LDLRAD4: variants seen among roughly 807,000 people sequenced by gnomAD.
The protein encoded by LDLRAD4 is low density lipoprotein receptor class A domain containing 4, also known as low-density lipoprotein receptor class A domain-containing protein 4.
In LDLRAD4, 5 loss-of-function variants were observed where a neutral mutation model predicts 17.0. That is an observed-to-expected ratio of 0.29 (90% CI 0.15 to 0.62). The LOEUF (loss-of-function observed/expected upper bound fraction) is 0.62. Among genes scored for constraint, LDLRAD4 ranks in the 20% least tolerant of loss-of-function variants. The probability of loss-of-function intolerance (pLI) is 0.84; values close to 1 mark genes in which losing one functional copy is unlikely to be tolerated. For missense variants in LDLRAD4, 340 were observed against 424.7 expected (o/e 0.80, Z 1.75); for synonymous variants, 168 against 171.8 (o/e 0.98, Z 0.17).
intron 1 of LDLRAD4, among the ~76,000 whole-genome samples, chr18:13,381,966 C>G (rs1023586235): frequency 4.6e-5 from 7 of 152,204 alleles, no homozygotes; most frequent in Admixed American, 3.3e-4. Context: ...CTCCCTGGAA[C>G]TTCTCTGGTG....
At chr18:13,556,167 C>T (rs1429661482) in intron 3 of LDLRAD4, among the ~76,000 whole-genome samples, 2 of 152,140 alleles carry the variant, frequency 1.3e-5, no homozygotes, top group African/African-American at 4.8e-5. Flanking sequence ...TTCAGTTAAG[C>T]TATGTATTAA....
chr18:13,568,693 C>T (rs1490428164), intron 3 of LDLRAD4, among the ~76,000 whole-genome samples: 2 of 152,164 alleles, frequency 1.3e-5, no homozygotes, highest in African/African-American at 2.4e-5. Context: ...GTGCACTTCA[C>T]GCCCCACATC....
intron 3 of LDLRAD4, among the ~76,000 whole-genome samples, chr18:13,476,064 G>A (rs76819443): frequency 0.012 from 1,778 of 152,178 alleles, 65 homozygotes; most frequent in East Asian, 0.11. Flanking sequence ...GGATTAATCC[G>A]GGGGGACCAG....
At chr18:13,623,146 C>CA (rs2040809797) in intron 4 of LDLRAD4, among the ~76,000 whole-genome samples, 1 of 152,214 alleles carries the variant, frequency 6.6e-6, no homozygotes, top group African/African-American at 2.4e-5. Flanking sequence ...CAAAAAGTGT[C>CA]AAAAAAGTGT....
exon 6 of LDLRAD4, chr18:13,647,945 G>T (rs2043078453): frequency 6.6e-6 from 1 of 152,268 alleles, no homozygotes; most frequent in Non-Finnish European, 1.5e-5. Context: ...AGGTTCACTG[G>T]CTCTCCAGAT....
chr18:13,592,882 A>G (rs2095046110), intron 3 of LDLRAD4, among the ~76,000 whole-genome samples: 1 of 152,270 alleles, frequency 6.6e-6, no homozygotes, highest in Non-Finnish European at 1.5e-5. Flanking sequence ...TTCAGTTTCA[A>G]GCAATTCTTA....
chr18:13,392,590 G>A (rs1288685276), intron 2 of LDLRAD4, among the ~76,000 whole-genome samples: 1 of 152,152 alleles, frequency 6.6e-6, no homozygotes, highest in African/African-American at 2.4e-5. Flanking sequence ...GTTTCTTGTG[G>A]TTTTGACTGA....
At chr18:13,290,588 T>C (rs1170195626) in intron 1 of LDLRAD4, among the ~76,000 whole-genome samples, 1 of 152,204 alleles carries the variant, frequency 6.6e-6, no homozygotes, top group Non-Finnish European at 1.5e-5. Flanking sequence ...GCGTTTGTTT[T>C]AGGCATTTTT....
At chr18:13,552,917 G>A (rs1601331994) in intron 3 of LDLRAD4, among the ~76,000 whole-genome samples, 1 of 152,158 alleles carries the variant, frequency 6.6e-6, no homozygotes, top group African/African-American at 2.4e-5. Context: ...AGTTATTATT[G>A]GTTAGGTTGA....
At chr18:13,369,935 C>T (rs1288174780) in intron 1 of LDLRAD4, among the ~76,000 whole-genome samples, 1 of 152,236 alleles carries the variant, frequency 6.6e-6, no homozygotes. Flanking sequence ...GCCTGCCACC[C>T]AGGAGCGAGC....
intron 1 of LDLRAD4, among the ~76,000 whole-genome samples, chr18:13,344,560 A>T (rs1307452427): frequency 6.6e-6 from 1 of 152,236 alleles, no homozygotes; most frequent in Non-Finnish European, 1.5e-5. Flanking sequence ...TGTCTTGGCA[A>T]TGTGGGCTCT....
At chr18:13,250,670 A>G (rs1445542215) in intron 1 of LDLRAD4, among the ~76,000 whole-genome samples, 1 of 152,204 alleles carries the variant, frequency 6.6e-6, no homozygotes, top group African/African-American at 2.4e-5. Flanking sequence ...GCAGCCTACC[A>G]AGATTGAGCC....
chr18:13,439,011 A>G (rs1345445970), intron 3 of LDLRAD4, among the ~76,000 whole-genome samples: 4 of 152,340 alleles, frequency 2.6e-5, no homozygotes, highest in Admixed American at 2.6e-4. Context: ...CTCTTAGGAA[A>G]AGTGGCTTAC....
chr18:13,539,052 C>G (rs770732307), intron 3 of LDLRAD4, among the ~76,000 whole-genome samples: 2 of 151,782 alleles, frequency 1.3e-5, no homozygotes, highest in Non-Finnish European at 3.0e-5. Flanking sequence ...CTTTAATTCC[C>G]CTCCCCTCGT....
At chr18:13,316,921 C>G (rs2080964709) in intron 1 of LDLRAD4, among the ~76,000 whole-genome samples, 1 of 152,188 alleles carries the variant, frequency 6.6e-6, no homozygotes, top group African/African-American at 2.4e-5. Flanking sequence ...GGTCAGTTTT[C>G]ACTCAAACAC....
At chr18:13,469,564 A>C (rs2092713423) in intron 3 of LDLRAD4, among the ~76,000 whole-genome samples, 1 of 152,270 alleles carries the variant, frequency 6.6e-6, no homozygotes, top group Non-Finnish European at 1.5e-5. Context: ...AAAGGAATGA[A>C]GTTTGGATGA....
rs999851144 is a variant in LDLRAD4 at position 13,418,742 on chromosome 18, A to G, written c.41-19502A>G. ...TGCAAGTTTGGTTTCTGAAGCATTT[A>G]TTTATTCAGTCTACATTCATTCCAA... On this transcript the variant is annotated intron_variant, in intron 2 of 5. Transcript: ENST00000359446. 4.6e-5 allele frequency among the ~76,000 whole-genome samples: 7 copies of G among 152,310 alleles called. No individual in the cohort carries two copies. In the South Asian group the frequency reaches 1.0e-3, roughly 23 times the overall value.
At chr18:13,602,253 C>T (rs2095171931) in intron 3 of LDLRAD4, among the ~76,000 whole-genome samples, 1 of 152,058 alleles carries the variant, frequency 6.6e-6, no homozygotes. Flanking sequence ...AGCACAAGCC[C>T]CAGCAGCATG....
intron 3 of LDLRAD4, among the ~76,000 whole-genome samples, chr18:13,481,887 G>A (rs1234135957): frequency 6.6e-6 from 1 of 152,190 alleles, no homozygotes; most frequent in Non-Finnish European, 1.5e-5. Flanking sequence ...GAGGTGAGTG[G>A]AGTTTGCTGG....
Sources: allele counts gnomAD v4.1 joint callset (sites outside exome capture counted in the v4.1 genomes callset), GRCh38; gene constraint gnomAD v4.1.1; transcripts MANE v1.5; gene names NCBI Gene and HGNC (gene_info 2026-07-23, HGNC 2026-07-21).